Variants in RPL3L observed in about 807,000 individuals in gnomAD.
RPL3L encodes ribosomal protein L3 like.
A neutral mutation model predicts 44.5 loss-of-function variants in RPL3L; 44 were observed. The ratio of observed to expected loss-of-function variants is 0.99; its 90% CI spans 0.78 to 1.27. The LOEUF (loss-of-function observed/expected upper bound fraction) is 1.27, where lower values mean the gene tolerates loss of function less well. RPL3L is among the 50% of genes most tolerant of loss of function. The pLI, the probability that RPL3L is intolerant of heterozygous loss-of-function variation, is 0.00. For missense variants in RPL3L, 631 were observed against 569.1 expected, an observed-to-expected ratio of 1.11 and a Z score of -1.11; for synonymous variants, 292 against 230.7, an observed-to-expected ratio of 1.27 and a Z score of -2.41.
At chr16:1,949,259 CTTTTTTTTTT>C (rs58248501) in intron 4 of RPL3L, among the ~76,000 whole-genome samples, 1 of 75,236 alleles carries the variant, frequency 1.3e-5, no homozygotes, top group Non-Finnish European at 2.6e-5. Flanking sequence ...TTTTTTTTTT[CTTTTTTTTTT>C]TTTTTTTTTT....
chr16:1,952,782 C>T (rs2083179113), intron 3 of RPL3L, 92 bp downstream of exon 3: 1 of 1,462,728 alleles, frequency 6.8e-7, no homozygotes, highest in Admixed American at 1.9e-5. Context: ...TACTCACCCA[C>T]ACCTATCATT....
Position 1,950,892 on chromosome 16 carries a change from G to A in RPL3L, c.453C>T (p.Ala151=), listed in dbSNP as rs142682876. The A allele has an allele frequency of 2.4e-5, 38 of 1,613,920 alleles. No homozygotes were observed. The highest frequency in any genetic ancestry group is 2.1e-4 in the African/African-American group (16 of 74,856). ...TGACCTTGCAGTACTTCTTCATGGC[G>A]GCGAAGTCCTTCTGTAGCTGCTTTT... The part of the protein sequence containing the change: ...DGKKQLQKDF[A]AMKKYCKVIR... Residue 151 remains alanine, a synonymous_variant, in exon 4 of 10, where the codon GCC becomes GCT. Transcript: ENST00000268661.
At chr16:1,951,016 A>G (rs367870263) in intron 3 of RPL3L, 37 bp from the exon 4 acceptor site, 100 of 1,605,742 alleles carry the variant, frequency 6.2e-5, no homozygotes, top group Non-Finnish European at 7.8e-5. Context: ...GAAGCCCCCA[A>G]CCGGGGCAGC....
intron 3 of RPL3L, among the ~76,000 whole-genome samples, chr16:1,952,082 G>A (rs1172730979): frequency 6.6e-6 from 1 of 151,726 alleles, no homozygotes; most frequent in Non-Finnish European, 1.5e-5. Flanking sequence ...CCAAGTAGCT[G>A]GGATTACAGG....
At position 1,944,199 on chromosome 16, in the gene RPL3L, C is replaced by T. The variant is rs2083102687; in HGVS notation, c.*638G>A. 6.6e-6 allele frequency: 1 copy of T among 152,348 alleles called. No homozygotes were observed. Among genetic ancestry groups the T allele is most frequent in the Non-Finnish European group, 1.5e-5 (1 of 68,160 alleles). 9.4% of individuals were successfully genotyped at this position (152,348 alleles called of 1,614,324 possible). A position where few individuals can be genotyped will look rare whatever the true frequency, so the allele number is the denominator to read the frequency against. The stretch of plus-strand genomic sequence containing the variant: ...GACTAGATTGCATTTTTAGGACTAA[C>T]ATTAGCCACAATATTGGGAATTATG... On this transcript the variant is annotated 3_prime_UTR_variant, in exon 10 of 10. Transcript: ENST00000268661.
At chr16:1,949,709 G>A (rs1409920558) in intron 4 of RPL3L, among the ~76,000 whole-genome samples, 1 of 144,572 alleles carries the variant, frequency 6.9e-6, no homozygotes, top group Non-Finnish European at 1.5e-5. Flanking sequence ...TATGTACGGG[G>A]CAGGTATGGA....
Position 1,947,227 on chromosome 16 carries a change from C to T in RPL3L, c.655G>A (p.Val219Ile). Reference protein sequence around the residue: ...SVFSQSEVIDVIAVTKGRGVK... With the variant: ...SVFSQSEVIDIIAVTKGRGVK... ...CCTCGACCCTTGGTGACAGCAATGA[C>T]ATCAATGACCTCACTCTGGCTGAAC... The change falls in exon 5 of 10, where the codon GTC becomes ATC. Residue 219 changes from valine to isoleucine, a missense_variant. By Grantham distance (29) the Val-to-Ile change is conservative. Transcript: ENST00000268661. 1 of 1,613,386 alleles carries T rather than the reference C, an allele frequency of 6.2e-7. No homozygotes were observed. Among genetic ancestry groups the T allele is most frequent in the Non-Finnish European group, 8.5e-7 (1 of 1,179,568 alleles).
At chr16:1,951,400 G>A (rs1032710249) in intron 3 of RPL3L, among the ~76,000 whole-genome samples, 18 of 152,094 alleles carry the variant, frequency 1.2e-4, no homozygotes, top group African/African-American at 4.3e-4. Context: ...TTTGTTTTTG[G>A]AGATAGGGTC....
In RPL3L at chr16:1,954,675, C is replaced by A; in HGVS notation, c.-44G>T. ...GTCAGGAAGGGGCCTCGCCGCTAGC[C>A]GCCAGAGGTCGAGTGGCAGGGCCAG... On this transcript the variant is annotated 5_prime_UTR_variant, in exon 1 of 10. Transcript: ENST00000268661. 2 of 1,498,718 alleles carry A rather than the reference C, an allele frequency of 1.3e-6. No homozygotes were observed. Among genetic ancestry groups the A allele is most frequent in the Non-Finnish European group, 8.9e-7 (1 of 1,122,216 alleles). 92.8% of individuals were successfully genotyped at this position (1,498,718 alleles called of 1,614,324 possible).
At chr16:1,950,779 C>T in intron 4 of RPL3L, 65 bp downstream of exon 4, 3 of 1,610,540 alleles carry the variant, frequency 1.9e-6, no homozygotes, top group Non-Finnish European at 2.5e-6. Flanking sequence ...GCCACAGCTC[C>T]TGGAAGCTGG....
chr16:1,947,045 G>A lies in RPL3L; in HGVS notation c.742C>T (p.Leu248=), dbSNP rs546972956. 36 of 1,613,134 alleles carry A rather than the reference G, an allele frequency of 2.2e-5. No homozygotes were observed. The highest frequency in any genetic ancestry group is 8.3e-5 in the Admixed American group (5 of 59,964). The stretch of plus-strand genomic sequence containing the variant: ...GCGCCAATGCAGGCCACCTTGCGCA[G>A]GCCCTTATGGGTCTTCCGCGGCAGC... ...KKLPRKTHKG[L]RKVACIGAWH... The change falls in exon 6 of 10, where the codon CTG becomes TTG. Residue 248 remains leucine, a synonymous_variant. Coordinates refer to ENST00000268661, the MANE Select transcript of RPL3L (RefSeq NM_005061.3).
At position 1,945,363 on chromosome 16, in the gene RPL3L, A is replaced by T. The variant is rs948920421; in HGVS notation, c.1167+136T>A. 4.2e-5 allele frequency: 36 copies of T among 862,790 alleles called. No homozygotes were observed. The African/African-American group carries it at 6.9e-4, about 17-fold the overall frequency. The allele number at this position is 862,790 out of a possible 1,614,324, so 53.4% of individuals were successfully genotyped here. On this transcript the variant is annotated intron_variant, in intron 9 of 9. Coordinates refer to ENST00000268661, the MANE Select transcript of RPL3L (RefSeq NM_005061.3). ...GAGCGAGACTCCATCTCAAAAAATA[A>T]AATAAATAAAAAAAAAAGAGTCTCT... is the stretch of plus-strand genomic sequence containing the variant.
chr16:1,945,441 A>C, intron 9 of RPL3L, 58 bp downstream of exon 9: 1 of 1,555,446 alleles, frequency 6.4e-7, no homozygotes, highest in South Asian at 1.1e-5. Flanking sequence ...CTACTCGGGC[A>C]GGCTGGATGT....
chr16:1,950,004 G>C lies in RPL3L; in HGVS notation c.501+840C>G, dbSNP rs1416638033. Among the ~76,000 whole-genome samples the C allele has an allele frequency of 7.4e-3, 937 of 126,614 alleles. 47 individuals carry two copies. Among genetic ancestry groups the C allele is most frequent in the African/African-American group, 0.029 (870 of 30,252 alleles). The allele number at this position is 126,614 out of a possible 152,430, so 83.1% of individuals were successfully genotyped here. A position where few individuals can be genotyped will look rare whatever the true frequency, so the allele number is the denominator to read the frequency against. ...CAGGTATGGACAGGGCAGGTATGTA[G>C]GGGGCAGGTATGTAGGGAGCAGGTA... On this transcript the variant is annotated intron_variant, in intron 4 of 9. Transcript: ENST00000268661.
Position 1,944,798 on chromosome 16 carries a change from C to G in RPL3L, c.*39G>C. ...GGCCTTTGTTAGACATTGGGGCAGA[C>G]AGTGCGGTGCGCTTCAGGGTTCATC... On this transcript the variant is annotated 3_prime_UTR_variant, in exon 10 of 10. Coordinates refer to ENST00000268661, the MANE Select transcript of RPL3L (RefSeq NM_005061.3). The G allele has an allele frequency of 6.2e-7, 1 of 1,613,378 alleles. No individual in the cohort carries two copies. The highest frequency in any genetic ancestry group is 2.2e-5 in the East Asian group (1 of 44,872).
intron 9 of RPL3L, 118 bp from the exon 10 acceptor site, chr16:1,945,011 TC>T: frequency 1.6e-6 from 2 of 1,238,826 alleles, no homozygotes; most frequent in African/African-American, 3.0e-5. Flanking sequence ...GGCTGCTTCC[TC>T]CCCCACCTTC....
rs1409083908 is a variant in RPL3L, at chr16:1,945,520, G to A, written c.1146C>T (p.Ala382=). ...SKFGHGRFQT[A]QEKRAFMGPQ... is the part of the protein sequence containing the mutation. ...TCACCATGAAGGCCCTCTTCTCTTG[G>A]GCTGTCTGGAAGCGGCCATGGCCGA... Residue 382 remains alanine (A), a synonymous_variant, in exon 9 of 10, where the codon GCC becomes GCT. Coordinates refer to ENST00000268661, the MANE Select transcript of RPL3L (RefSeq NM_005061.3). The A allele has an allele frequency of 1.2e-6, 2 of 1,613,270 alleles. No homozygotes were observed. Among genetic ancestry groups the A allele is most frequent in the East Asian group, 2.2e-5 (1 of 44,848 alleles).
Position 1,947,063 on chromosome 16 carries a change from G to A in RPL3L, c.724C>T (p.Arg242Trp), listed in dbSNP as rs147972626. ...TTGCGCAGGCCCTTATGGGTCTTCCGCGGCAGCTTCTTGGTATGCCAGCGG... is the reference window on the plus strand; with the variant it reads ...TTGCGCAGGCCCTTATGGGTCTTCCACGGCAGCTTCTTGGTATGCCAGCGG... ...TSRWHTKKLP[R>W]KTHKGLRKVA... is the part of the protein sequence containing the mutation. The change falls in exon 6 of 10, where the codon CGG becomes TGG. Residue 242 changes from arginine to tryptophan, a missense_variant. Coordinates refer to ENST00000268661, the MANE Select transcript of RPL3L (RefSeq NM_005061.3). 8,214 of 1,613,544 alleles carry A rather than the reference G, an allele frequency of 5.1e-3. 44 individuals carry two copies. Among genetic ancestry groups the A allele is most frequent in the Non-Finnish European group, 5.4e-3 (6,358 of 1,179,976 alleles).
intron 3 of RPL3L, among the ~76,000 whole-genome samples, chr16:1,952,431 C>A (rs181518878): frequency 5.3e-5 from 8 of 152,340 alleles, no homozygotes; most frequent in African/African-American, 1.9e-4. Context: ...GGCTGCAGTG[C>A]AGTGGCACGA....
Sources: allele counts gnomAD v4.1 joint callset (sites outside exome capture counted in the v4.1 genomes callset), GRCh38; gene constraint gnomAD v4.1.1; transcripts MANE v1.5; gene names NCBI Gene and HGNC (gene_info 2026-07-23, HGNC 2026-07-21).